Variants in BLTP3A observed in about 807,000 individuals in gnomAD.
The protein encoded by BLTP3A is ICBP90 binding protein 1.
At chr6:34,822,253 A>AT in the BLTP3A span, among the ~76,000 whole-genome samples, 20,848 of 139,586 alleles carry the variant, frequency 0.15, 1,810 homozygotes, top group African/African-American at 0.24. Context: ...TTCCCTTGAA[A>AT]TTTTTTTTTT....
At chr6:34,823,073 G>T in the BLTP3A span, among the ~76,000 whole-genome samples, 2 of 152,114 alleles carry the variant, frequency 1.3e-5, no homozygotes, top group African/African-American at 4.8e-5. Context: ...GGAAAATGAG[G>T]ACTCTCCTTG....
At chr6:34,814,423 C>CG in the BLTP3A span, among the ~76,000 whole-genome samples, 1 of 127,074 alleles carries the variant, frequency 7.9e-6, no homozygotes, top group Non-Finnish European at 1.6e-5. Flanking sequence ...AGGCAGTATC[C>CG]ATTTTTTGTT....
chr6:34,847,380 G>T, the BLTP3A span, among the ~76,000 whole-genome samples: 1 of 152,040 alleles, frequency 6.6e-6, no homozygotes, highest in African/African-American at 2.4e-5. Context: ...AATAGGATAG[G>T]TATTAGTTCT....
chr6:34,869,061 A>G, the BLTP3A span, among the ~76,000 whole-genome samples: 3 of 151,838 alleles, frequency 2.0e-5, no homozygotes, highest in Admixed American at 2.0e-4. Context: ...GCTGGAGTGC[A>G]GTGGCACGAA....
At chr6:34,871,538 C>CCA in the BLTP3A span, 1 of 1,576,820 alleles carries the variant, frequency 6.3e-7, no homozygotes, top group Non-Finnish European at 8.7e-7. Flanking sequence ...TGTTAAATTG[C>CCA]TCTGAGCTGG....
At chr6:34,833,296 C>G in the BLTP3A span, among the ~76,000 whole-genome samples, 1 of 152,222 alleles carries the variant, frequency 6.6e-6, no homozygotes, top group African/African-American at 2.4e-5. Flanking sequence ...CTTCACATAC[C>G]AAGGGATGAC....
the BLTP3A span, among the ~76,000 whole-genome samples, chr6:34,805,735 CAAAAAAAA>C: frequency 6.8e-5 from 5 of 73,722 alleles, no homozygotes; most frequent in African/African-American, 2.5e-4. Context: ...GACCCTATCT[CAAAAAAAA>C]AAAAAAAAAA....
the BLTP3A span, chr6:34,858,939 G>A: frequency 6.2e-7 from 1 of 1,614,158 alleles, no homozygotes; most frequent in Non-Finnish European, 8.5e-7. Flanking sequence ...CAATGACTGG[G>A]TCTCCCCTGC....
At chr6:34,794,790 G>GTTT in the BLTP3A span, among the ~76,000 whole-genome samples, 1 of 145,586 alleles carries the variant, frequency 6.9e-6, no homozygotes. Context: ...GAGTTTTTTT[G>GTTT]TTTTTTTTTT....
At chr6:34,829,110 A>T in the BLTP3A span, among the ~76,000 whole-genome samples, 1 of 152,236 alleles carries the variant, frequency 6.6e-6, no homozygotes, top group Non-Finnish European at 1.5e-5. Flanking sequence ...ATTGAAATAT[A>T]ATTCACATAC....
At chr6:34,856,186 G>A in the BLTP3A span, 6 of 1,574,750 alleles carry the variant, frequency 3.8e-6, no homozygotes, top group Non-Finnish European at 5.2e-6. Flanking sequence ...AGGAAAAATT[G>A]GAACATTCAT....
the BLTP3A span, among the ~76,000 whole-genome samples, chr6:34,845,153 G>A: frequency 6.6e-6 from 1 of 152,110 alleles, no homozygotes; most frequent in African/African-American, 2.4e-5. Context: ...TGTCAGTAAT[G>A]AGTTCACTGT....
At chr6:34,819,008 C>T in the BLTP3A span, among the ~76,000 whole-genome samples, 1 of 152,004 alleles carries the variant, frequency 6.6e-6, no homozygotes, top group Non-Finnish European at 1.5e-5. Context: ...AAACTGTTAG[C>T]ATCTAATATA....
chr6:34,838,320 C>T, the BLTP3A span, among the ~76,000 whole-genome samples: 2 of 152,046 alleles, frequency 1.3e-5, no homozygotes, highest in Non-Finnish European at 2.9e-5. Flanking sequence ...GACTTGACCC[C>T]AAAATGTCTT....
chr6:34,869,457 G>A, the BLTP3A span, among the ~76,000 whole-genome samples: 1 of 151,774 alleles, frequency 6.6e-6, no homozygotes, highest in Non-Finnish European at 1.5e-5. Context: ...ATTTGTACAC[G>A]TGTTTATATT....
chr6:34,867,684 C>T, the BLTP3A span: 1 of 1,534,176 alleles, frequency 6.5e-7, no homozygotes, highest in Non-Finnish European at 8.8e-7. Context: ...TTAACTTGTA[C>T]TTGTCACTGT....
chr6:34,844,335 C>T, the BLTP3A span, among the ~76,000 whole-genome samples: 1 of 152,114 alleles, frequency 6.6e-6, no homozygotes, highest in African/African-American at 2.4e-5. Context: ...GAGTCAGTGG[C>T]AAGATGTCAG....
chr6:34,858,231 T>TGAACACA, the BLTP3A span: 4 of 1,614,190 alleles, frequency 2.5e-6, no homozygotes, highest in Non-Finnish European at 3.4e-6. Flanking sequence ...ATGCTCCACA[T>TGAACACA]TGTAGTTGTT....
chr6:34,859,410 G>A, the BLTP3A span: 3 of 1,614,134 alleles, frequency 1.9e-6, no homozygotes, highest in Non-Finnish European at 2.5e-6. Flanking sequence ...AGGGAGAATT[G>A]TCAAGTGCTA....
Sources: gnomAD v4.1 joint callset for allele counts (sites outside exome capture counted in the v4.1 genomes callset) on GRCh38, gnomAD v4.1.1 for gene constraint, MANE v1.5 for transcripts, NCBI Gene and HGNC (gene_info 2026-07-23, HGNC 2026-07-21) for gene names.